PRKCA: variants seen among roughly 807,000 people sequenced by gnomAD.
The protein encoded by PRKCA is protein kinase C alpha type.
PRKCA carries 27 observed loss-of-function variants against 87.0 expected under a neutral mutation model. The ratio of observed to expected loss-of-function variants is 0.31; its 90% CI spans 0.23 to 0.43. The LOEUF (loss-of-function observed/expected upper bound fraction) is 0.43, where lower values mean the gene tolerates loss of function less well. Ranked by LOEUF, PRKCA falls within the 20% of genes least tolerant of loss-of-function variation. The pLI is 1.00. For synonymous variants in PRKCA, 329 were observed against 311.1 expected (o/e 1.06, Z -0.61); for missense variants, 518 against 852.3 (o/e 0.61, Z 4.88).
rs55779501 is a variant in PRKCA, at chr17:66,437,731, T to TTTTTTTTTTTTGG, written c.206-58470_206-58469insTTTTTTTTTTTGG. ...TTGTTTCAAGTTTCCTTTTTTTTTTTGAGCGGGGGGTGGGTGGGGCGGGGG... is the reference window on the plus strand; with the variant it reads ...TTGTTTCAAGTTTCCTTTTTTTTTTTTTTTTTTTTTTGGGAGCGGGGGGTGGGTGGGGCGGGGG... On this transcript the variant is annotated intron_variant, in intron 2 of 16. Coordinates refer to ENST00000413366, the MANE Select transcript of PRKCA (RefSeq NM_002737.3). Among the ~76,000 whole-genome samples the TTTTTTTTTTTTGG allele has an allele frequency of 2.6e-3, 29 of 11,164 alleles. 1 individual carries two copies. Among genetic ancestry groups the TTTTTTTTTTTTGG allele is most frequent in the East Asian group, 4.3e-3 (2 of 466 alleles). The allele number at this position is 11,164 out of a possible 152,430, so 7.3% of individuals were successfully genotyped here.
chr17:66,668,410 C>G (rs971628150), intron 5 of PRKCA, among the ~76,000 whole-genome samples: 3 of 152,172 alleles, frequency 2.0e-5, no homozygotes, highest in Non-Finnish European at 4.4e-5. Context: ...TTCACAGATT[C>G]AAGATGTGTA....
chr17:66,546,108 A>G (rs1161215868), intron 3 of PRKCA, among the ~76,000 whole-genome samples: 1 of 152,156 alleles, frequency 6.6e-6, no homozygotes, highest in Non-Finnish European at 1.5e-5. Flanking sequence ...ATCTGCTGTG[A>G]CAATCTTTGC....
intron 5 of PRKCA, among the ~76,000 whole-genome samples, chr17:66,672,085 G>A (rs1272690976): frequency 6.6e-6 from 1 of 152,126 alleles, no homozygotes; most frequent in Admixed American, 6.5e-5. Context: ...CTCAGAAAGG[G>A]CAAGGTTTTT....
intron 5 of PRKCA, among the ~76,000 whole-genome samples, chr17:66,666,321 A>C (rs1053691223): frequency 6.6e-6 from 1 of 152,210 alleles, no homozygotes; most frequent in Non-Finnish European, 1.5e-5. Context: ...CTCAAGTTAG[A>C]GGCGGCTGCT....
chr17:66,479,263 C>T lies in PRKCA; in HGVS notation c.206-16938C>T, dbSNP rs546767258. The stretch of plus-strand genomic sequence containing the variant: ...TACAACCAACAATCATGAAAAAACA[C>T]TCAACATCACTGATCATTAGAGAAA... On this transcript the variant is annotated intron_variant, in intron 2 of 16. Transcript: ENST00000413366. Among the ~76,000 whole-genome samples the T allele has an allele frequency of 3.0e-4, 45 of 152,260 alleles. No homozygotes were observed. In the South Asian group the frequency reaches 9.1e-3, roughly 31 times the overall value.
chr17:66,702,997 A>C (rs1973099688), intron 8 of PRKCA, among the ~76,000 whole-genome samples: 1 of 152,198 alleles, frequency 6.6e-6, no homozygotes, highest in African/African-American at 2.4e-5. Context: ...CTTACCCTGA[A>C]TGGAGGTTGC....
chr17:66,441,069 T>G (rs757094868), intron 2 of PRKCA, among the ~76,000 whole-genome samples: 12 of 145,758 alleles, frequency 8.2e-5, no homozygotes, highest in South Asian at 4.3e-4. Flanking sequence ...GGCTGAGGCA[T>G]GAGAATTCCT....
chr17:66,319,827 C>T (rs1173783523), intron 2 of PRKCA, among the ~76,000 whole-genome samples: 11 of 151,916 alleles, frequency 7.2e-5, no homozygotes, highest in African/African-American at 1.2e-4. Flanking sequence ...CTGTAACCTC[C>T]GCCTACTGGG....
intron 2 of PRKCA, among the ~76,000 whole-genome samples, chr17:66,424,861 C>T (rs1417437143): frequency 2.6e-5 from 4 of 151,758 alleles, no homozygotes; most frequent in Non-Finnish European, 4.4e-5. Flanking sequence ...GCGATTCTCC[C>T]GCCTCAGCCT....
At chr17:66,688,199 A>T in intron 6 of PRKCA, 103 bp from the exon 7 acceptor site, 1 of 1,433,680 alleles carries the variant, frequency 7.0e-7, no homozygotes, top group Non-Finnish European at 9.4e-7. Flanking sequence ...AGGAAGACAA[A>T]TATACTATTT....
intron 2 of PRKCA, among the ~76,000 whole-genome samples, chr17:66,374,933 A>G (rs1909337105): frequency 6.6e-6 from 1 of 151,900 alleles, no homozygotes; most frequent in Non-Finnish European, 1.5e-5. Context: ...GGATTTCACC[A>G]TGCTGCCCAG....
chr17:66,602,572 T>C (rs974174483), intron 3 of PRKCA, among the ~76,000 whole-genome samples: 3 of 152,210 alleles, frequency 2.0e-5, no homozygotes, highest in African/African-American at 7.2e-5. Context: ...GCTGTTCCTA[T>C]TCGGCCATCT....
intron 8 of PRKCA, among the ~76,000 whole-genome samples, chr17:66,701,867 T>G (rs1973072532): frequency 6.6e-6 from 1 of 152,126 alleles, no homozygotes; most frequent in Non-Finnish European, 1.5e-5. Context: ...TTGGTGGGAA[T>G]GTAAATTGGC....
At chr17:66,635,207 T>C (rs1567945562) in intron 3 of PRKCA, among the ~76,000 whole-genome samples, 2 of 152,210 alleles carry the variant, frequency 1.3e-5, no homozygotes, top group African/African-American at 2.4e-5. Context: ...TCCAGGTTTA[T>C]AGATGTAGGA....
chr17:66,541,834 G>C (rs1258915524), intron 3 of PRKCA, among the ~76,000 whole-genome samples: 1 of 152,218 alleles, frequency 6.6e-6, no homozygotes, highest in African/African-American at 2.4e-5. Context: ...CTGAGTCTCT[G>C]AGGATTTTCT....
chr17:66,585,735 A>G (rs1280040447), intron 3 of PRKCA, among the ~76,000 whole-genome samples: 1 of 152,204 alleles, frequency 6.6e-6, no homozygotes, highest in Admixed American at 6.5e-5. Context: ...TGTTCTTGAG[A>G]CTGGAACCTG....
intron 5 of PRKCA, among the ~76,000 whole-genome samples, chr17:66,672,989 T>G (rs1972232684): frequency 6.6e-6 from 1 of 152,218 alleles, no homozygotes; most frequent in Non-Finnish European, 1.5e-5. Flanking sequence ...TCTTGTATGA[T>G]GGGTGCACCC....
At chr17:66,336,634 T>TTATATAGTAAACTATTAAACATTTGCC (rs1567777727) in intron 2 of PRKCA, among the ~76,000 whole-genome samples, 1 of 142,626 alleles carries the variant, frequency 7.0e-6, no homozygotes, top group Admixed American at 6.9e-5. Flanking sequence ...AAAGTACCTG[T>TTATATAGTAAACTATTAAACATTTGCC]TATATAGTAA....
chr17:66,531,671 C>G (rs978137855), intron 3 of PRKCA, among the ~76,000 whole-genome samples: 2 of 152,200 alleles, frequency 1.3e-5, no homozygotes, highest in Non-Finnish European at 2.9e-5. Context: ...CCTCCTGTCA[C>G]TGCTGTCTCC....
Sources: allele counts gnomAD v4.1 joint callset (sites outside exome capture counted in the v4.1 genomes callset), GRCh38; gene constraint gnomAD v4.1.1; transcripts MANE v1.5; gene names NCBI Gene and HGNC (gene_info 2026-07-23, HGNC 2026-07-21).